Variants in FBN1 observed in about 807,000 individuals in gnomAD.
The protein encoded by FBN1 is fibrillin 1, also known as fibrillin-1.
FBN1 carries 29 observed loss-of-function variants against 365.1 expected under a neutral mutation model. The observed-to-expected ratio is 0.08, with a 90% CI of 0.06 to 0.11. FBN1 has a LOEUF of 0.11. Ranked by LOEUF, FBN1 falls within the 10% of genes least tolerant of loss-of-function variation. The pLI is 1.00. For synonymous variants in FBN1, 1,210 were observed against 1,270.5 expected (o/e 0.95, Z 1.01); for missense variants, 2,476 against 3,703.2 (o/e 0.67, Z 8.60).
chr15:48,526,032 G>T, intron 9 of FBN1, 98 bp downstream of exon 9: 2 of 1,495,736 alleles, frequency 1.3e-6, no homozygotes, highest in Non-Finnish European at 1.9e-6. Context: ...TACCTCAGTT[G>T]ATAAATTATA....
chr15:48,448,997 G>T, intron 45 of FBN1, 104 bp from the exon 46 acceptor site: 1 of 940,052 alleles, frequency 1.1e-6, no homozygotes, highest in Non-Finnish European at 1.7e-6. Flanking sequence ...TCTAAACTAA[G>T]TTAGTGAAAC....
chr15:48,537,572 A>G (rs1263723933), intron 7 of FBN1, 39 bp downstream of exon 7: 1 of 1,610,758 alleles, frequency 6.2e-7, no homozygotes, highest in Non-Finnish European at 8.5e-7. Context: ...CAGAGCAAAT[A>G]AGATTAATCC....
chr15:48,445,928 C>T (rs2043154790), intron 47 of FBN1, among the ~76,000 whole-genome samples: 2 of 152,168 alleles, frequency 1.3e-5, no homozygotes, highest in South Asian at 4.1e-4. Flanking sequence ...TGGCTTATTA[C>T]TCTTGCCTAG....
rs2043210295 is a variant in FBN1 at position 48,452,659 on chromosome 15, T to C, written c.5448A>G (p.Pro1816=). Residue 1816 remains proline (P), a synonymous_variant, in exon 45 of 66, where the codon CCA becomes CCG. Coordinates refer to ENST00000316623, the MANE Select transcript of FBN1 (RefSeq NM_000138.5). ...TGCATTCGGCGTTGCGCTGGCACAC[T>C]GGGCCGTTCTGACACTCGTCAATAT... ...CEDIDECQNG[P]VCQRNAECIN... The C allele has an allele frequency of 6.2e-7, 1 of 1,614,190 alleles. No individual in the cohort carries two copies. The highest frequency in any genetic ancestry group is 1.3e-5 in the African/African-American group (1 of 75,064).
chr15:48,556,591 T>G (rs2044182670), intron 6 of FBN1, among the ~76,000 whole-genome samples: 1 of 152,174 alleles, frequency 6.6e-6, no homozygotes, highest in Non-Finnish European at 1.5e-5. Flanking sequence ...CAAAAAGGGT[T>G]CCCTGAGATC....
intron 6 of FBN1, among the ~76,000 whole-genome samples, chr15:48,583,960 C>T (rs1678978): frequency 0.48 from 73,228 of 151,974 alleles, 22,070 homozygotes; most frequent in African/African-American, 0.86. Context: ...CCAAAAAATA[C>T]GCTGTTCAAG....
chr15:48,509,995 T>C (rs778304402), intron 14 of FBN1, 49 bp downstream of exon 14: 4 of 1,603,544 alleles, frequency 2.5e-6, no homozygotes, highest in Non-Finnish European at 3.4e-6. Flanking sequence ...ACCCCTGATA[T>C]TGAAACTGCA....
At chr15:48,519,448 C>T (rs2043832797) in intron 10 of FBN1, among the ~76,000 whole-genome samples, 1 of 152,092 alleles carries the variant, frequency 6.6e-6, no homozygotes, top group South Asian at 2.1e-4. Flanking sequence ...ATGAGATTTC[C>T]TAATGAGATT....
Position 48,474,485 on chromosome 15 carries a change from T to C in FBN1, c.4087+43A>G, listed in dbSNP as rs778873491. On this transcript the variant is annotated intron_variant, in intron 33 of 65. Transcript: ENST00000316623. Reference sequence around the variant, plus strand: ...AATTAATATTTTCATATGTGTAATCTATGCAGTCCTTGATAAGCAACCTCT... The same window carrying C: ...AATTAATATTTTCATATGTGTAATCCATGCAGTCCTTGATAAGCAACCTCT... 5 of 1,614,034 alleles carry C rather than the reference T, an allele frequency of 3.1e-6. No individual in the cohort carries two copies. In the South Asian group the frequency reaches 3.3e-5, roughly 11 times the overall value.
chr15:48,612,571 G>A (rs536998650), intron 3 of FBN1, among the ~76,000 whole-genome samples: 3 of 152,244 alleles, frequency 2.0e-5, no homozygotes, highest in East Asian at 1.9e-4. Context: ...ACTGATCTTC[G>A]TCTGGTGATC....
At chr15:48,424,822 A>T (rs973510657) in intron 60 of FBN1, among the ~76,000 whole-genome samples, 1 of 152,172 alleles carries the variant, frequency 6.6e-6, no homozygotes, top group Admixed American at 6.5e-5. Flanking sequence ...TTGAGAAGGG[A>T]TTTCTGCCCA....
At chr15:48,460,449 G>C (rs147040147) in intron 42 of FBN1, 132 bp from the exon 43 acceptor site, 1 of 678,236 alleles carries the variant, frequency 1.5e-6, no homozygotes, top group East Asian at 2.7e-5. Flanking sequence ...AAAATAAAAA[G>C]TAAACCTGAA....
At chr15:48,591,742 C>CGAGTGGCCCCTTTCCAGTGAGGTCTTT (rs2044478827) in intron 6 of FBN1, among the ~76,000 whole-genome samples, 1 of 151,030 alleles carries the variant, frequency 6.6e-6, no homozygotes, top group Admixed American at 6.6e-5. Context: ...GTGAGGTCTT[C>CGAGTGGCCCCTTTCCAGTGAGGTCTTT]AGAGTTACGA....
intron 49 of FBN1, among the ~76,000 whole-genome samples, chr15:48,443,390 T>C (rs1181006046): frequency 6.6e-6 from 1 of 152,226 alleles, no homozygotes; most frequent in East Asian, 1.9e-4. Flanking sequence ...CCAAATATTG[T>C]AGAATGGGCA....
chr15:48,500,980 G>A (rs2043650166), intron 17 of FBN1, among the ~76,000 whole-genome samples: 1 of 152,210 alleles, frequency 6.6e-6, no homozygotes, highest in South Asian at 2.1e-4. Context: ...TTCTTGAAAT[G>A]AGGGATATCC....
chr15:48,445,556 C>T (rs1209791503), intron 47 of FBN1, 52 bp from the exon 48 acceptor site: 5 of 1,590,156 alleles, frequency 3.1e-6, no homozygotes, highest in East Asian at 4.5e-5. Flanking sequence ...ATGTCATAAT[C>T]CCAGCAATAA....
At position 48,515,624 on chromosome 15, in the gene FBN1, G is replaced by A. The variant is rs1272790296; in HGVS notation, c.1328-97C>T. On this transcript the variant is annotated intron_variant, in intron 11 of 65. Transcript: ENST00000316623. ...AATGAACAAGATGTTGAATCAGAAA[G>A]GAAAGAGGATACTCTTTGGGCAAAG... 8.6e-6 allele frequency: 13 copies of A among 1,517,024 alleles called. No individual in the cohort carries two copies. In the South Asian group the frequency reaches 1.5e-4, roughly 17 times the overall value. 94.0% of individuals were successfully genotyped at this position (1,517,024 alleles called of 1,614,324 possible).
At chr15:48,491,884 G>A (rs1350038964) in intron 24 of FBN1, among the ~76,000 whole-genome samples, 1 of 152,200 alleles carries the variant, frequency 6.6e-6, no homozygotes, top group Non-Finnish European at 1.5e-5. Context: ...CGAGCCCATA[G>A]GGACTTAGGA....
At chr15:48,452,266 G>A (rs1255121117) in intron 45 of FBN1, among the ~76,000 whole-genome samples, 1 of 152,176 alleles carries the variant, frequency 6.6e-6, no homozygotes, top group Non-Finnish European at 1.5e-5. Flanking sequence ...TGTGTAATGT[G>A]TGGGGGTGAG....
Sources: gnomAD v4.1 joint callset for allele counts (sites outside exome capture counted in the v4.1 genomes callset) on GRCh38, gnomAD v4.1.1 for gene constraint, MANE v1.5 for transcripts, NCBI Gene and HGNC (gene_info 2026-07-23, HGNC 2026-07-21) for gene names.